SLC24A2: variants seen among roughly 807,000 people sequenced by gnomAD.
SLC24A2 encodes the protein solute carrier family 24 member 2.
SLC24A2 carries 36 observed loss-of-function variants against 62.0 expected under a neutral mutation model. The observed-to-expected ratio is 0.58, with a 90% confidence interval of 0.44 to 0.77. The LOEUF is 0.77. Among genes scored for constraint, SLC24A2 ranks in the 30% least tolerant of loss-of-function variants. The probability of loss-of-function intolerance (pLI) is 0.00; values close to 1 mark genes in which losing one functional copy is unlikely to be tolerated. For missense variants in SLC24A2, 846 were observed against 817.9 expected (o/e 1.03, Z -0.42); for synonymous variants, 358 against 294.0 (o/e 1.22, Z -2.23).
Position 19,577,022 on chromosome 9 carries a change from C to A in SLC24A2, c.1130G>T (p.Gly377Val), listed in dbSNP as rs375119876. The A allele has an allele frequency of 1.9e-6, 3 of 1,613,242 alleles. No homozygotes were observed. The African/African-American group carries it at 4.0e-5, about 22-fold the overall frequency. ...AATTGAAGCCTTTTCTCTGAACCTC[C>A]CTGAAGCAAAAGAAAGTGGCAGGAA... is the stretch of plus-strand genomic sequence containing the variant. ...LKYYDTMTEE[G>V]RFREKASILH... Residue 377 changes from glycine (G) to valine (V), a missense_variant and splice_region_variant, in exon 6 of 11, where the codon GGG becomes GTG. Coordinates refer to ENST00000341998, the MANE Select transcript of SLC24A2 (RefSeq NM_020344.4).
the SLC24A2 span, among the ~76,000 whole-genome samples, chr9:20,111,895 G>T: frequency 8.3e-4 from 127 of 152,232 alleles, 4 homozygotes; most frequent in Non-Finnish European, 7.5e-4. Context: ...AAAAGTTGAA[G>T]AATCTTGTGT....
At chr9:19,849,994 G>T in the SLC24A2 span, among the ~76,000 whole-genome samples, 1 of 149,218 alleles carries the variant, frequency 6.7e-6, no homozygotes. Flanking sequence ...AAAGGGGCCA[G>T]AAATCTAAAT....
chr9:20,011,472 G>C, the SLC24A2 span, among the ~76,000 whole-genome samples: 4 of 152,108 alleles, frequency 2.6e-5, no homozygotes, highest in African/African-American at 9.7e-5. Flanking sequence ...GAAAAGATGA[G>C]GGTATTCGAA....
At position 19,736,932 on chromosome 9, in the gene SLC24A2, T is replaced by C. The variant is rs559490053; in HGVS notation, c.930+49005A>G. On this transcript the variant is annotated intron_variant, in intron 2 of 10. Coordinates refer to ENST00000341998, the MANE Select transcript of SLC24A2 (RefSeq NM_020344.4). ...TCTCAATTTATAATGTCTAATAACATAGCTTCAAAAAAGACAAAGCAAAAA... is the reference window on the plus strand; with the variant it reads ...TCTCAATTTATAATGTCTAATAACACAGCTTCAAAAAAGACAAAGCAAAAA... Among the ~76,000 whole-genome samples, 15 of 152,288 alleles carry C rather than the reference T, an allele frequency of 9.8e-5. No homozygotes were observed. The East Asian group carries it at 2.7e-3, about 27-fold the overall frequency.
chr9:19,625,869 T>C (rs1279163602), intron 2 of SLC24A2, among the ~76,000 whole-genome samples: 2 of 152,142 alleles, frequency 1.3e-5, no homozygotes, highest in East Asian at 1.9e-4. Context: ...GTATTCTTAG[T>C]AGAGACAGGG....
At chr9:19,850,978 TATATATGTATATATATATATATAC>T in the SLC24A2 span, among the ~76,000 whole-genome samples, 9 of 43,944 alleles carry the variant, frequency 2.0e-4, no homozygotes, top group African/African-American at 3.9e-4. Flanking sequence ...TATATATATA[TATATATGTATATATATATATATAC>T]ACATACATAT....
chr9:20,222,719 G>C, the SLC24A2 span, among the ~76,000 whole-genome samples: 4 of 152,100 alleles, frequency 2.6e-5, no homozygotes, highest in African/African-American at 9.7e-5. Flanking sequence ...GATTAAAGGA[G>C]ATTAGTATAT....
chr9:20,214,406 G>A, the SLC24A2 span, among the ~76,000 whole-genome samples: 3 of 152,090 alleles, frequency 2.0e-5, no homozygotes, highest in African/African-American at 7.2e-5. Flanking sequence ...AAGGTCAGTA[G>A]ATAAGACCAT....
chr9:19,873,670 C>T, the SLC24A2 span, among the ~76,000 whole-genome samples: 1 of 151,938 alleles, frequency 6.6e-6, no homozygotes, highest in African/African-American at 2.4e-5. Flanking sequence ...AGCTTCACCT[C>T]CTAAAAGGAG....
At chr9:19,726,661 C>T (rs1369409378) in intron 2 of SLC24A2, among the ~76,000 whole-genome samples, 1 of 152,160 alleles carries the variant, frequency 6.6e-6, no homozygotes, top group Non-Finnish European at 1.5e-5. Flanking sequence ...CACTAAATAT[C>T]CTCTACTTGT....
chr9:19,837,456 C>T, the SLC24A2 span, among the ~76,000 whole-genome samples: 4 of 13,064 alleles, frequency 3.1e-4, no homozygotes, highest in African/African-American at 4.6e-4. Flanking sequence ...GAGACTCCGT[C>T]TCAAAAAAAA....
the SLC24A2 span, among the ~76,000 whole-genome samples, chr9:20,086,334 C>G: frequency 6.6e-6 from 1 of 152,156 alleles, no homozygotes; most frequent in Non-Finnish European, 1.5e-5. Context: ...CAGGGCTGCT[C>G]ACCCCCGTCT....
the SLC24A2 span, among the ~76,000 whole-genome samples, chr9:20,110,012 T>C: frequency 1.6e-4 from 25 of 152,178 alleles, no homozygotes; most frequent in African/African-American, 5.8e-4. Flanking sequence ...TTCTTACATA[T>C]ATACAGGGTT....
At chr9:20,165,953 A>G in the SLC24A2 span, among the ~76,000 whole-genome samples, 7 of 151,988 alleles carry the variant, frequency 4.6e-5, no homozygotes, top group Admixed American at 3.9e-4. Flanking sequence ...GGATGGAAAC[A>G]TGAGACATCC....
the SLC24A2 span, among the ~76,000 whole-genome samples, chr9:20,140,897 C>T: frequency 2.0e-5 from 3 of 152,154 alleles, no homozygotes; most frequent in African/African-American, 7.2e-5. Flanking sequence ...AAACTCTTTC[C>T]TCTACCGCTC....
chr9:20,166,665 A>G, the SLC24A2 span, among the ~76,000 whole-genome samples: 6 of 151,992 alleles, frequency 3.9e-5, no homozygotes, highest in Admixed American at 3.9e-4. Context: ...TTGGTTACTT[A>G]CAAAAGGTAT....
the SLC24A2 span, among the ~76,000 whole-genome samples, chr9:20,141,131 G>C: frequency 1.3e-5 from 2 of 152,148 alleles, no homozygotes; most frequent in African/African-American, 2.4e-5. Context: ...GCTTGGGCAA[G>C]TTTCCATGTC....
intron 2 of SLC24A2, among the ~76,000 whole-genome samples, chr9:19,764,568 T>G (rs1238959198): frequency 1.3e-5 from 2 of 152,242 alleles, no homozygotes; most frequent in African/African-American, 4.8e-5. Flanking sequence ...TACGCAGTAG[T>G]CATTCAGGAG....
At chr9:19,640,490 G>A (rs1381737089) in intron 2 of SLC24A2, among the ~76,000 whole-genome samples, 5 of 152,194 alleles carry the variant, frequency 3.3e-5, no homozygotes, top group East Asian at 1.9e-4. Flanking sequence ...AAGTATAGGC[G>A]TTGATACGGG....
Sources: allele counts gnomAD v4.1 joint callset (sites outside exome capture counted in the v4.1 genomes callset), GRCh38; gene constraint gnomAD v4.1.1; transcripts MANE v1.5; gene names NCBI Gene and HGNC (gene_info 2026-07-23, HGNC 2026-07-21).